The following PARP15 variants were observed in gnomAD, a reference collection of about 807,000 sequenced individuals.
PARP15 encodes poly(ADP-ribose) polymerase family member 15, also known as protein mono-ADP-ribosyltransferase PARP15.
Under a neutral mutation model 62.1 loss-of-function variants are expected in PARP15, and 50 were observed. The ratio of observed to expected loss-of-function variants is 0.81; its 90% CI spans 0.64 to 1.02. PARP15 has a LOEUF of 1.02. Ranked by LOEUF, PARP15 falls within the 50% of genes least tolerant of loss-of-function variation. The pLI is 0.00. For synonymous variants in PARP15, 309 were observed against 293.1 expected (o/e 1.05, Z -0.55); for missense variants, 820 against 826.5 (o/e 0.99, Z 0.10).
At chr3:122,610,879 G>A in intron 3 of PARP15, 149 bp downstream of exon 3, 1 of 595,600 alleles carries the variant, frequency 1.7e-6, no homozygotes, top group South Asian at 2.7e-5. Flanking sequence ...GTGGGTAGAA[G>A]CGAGGGATGC....
At chr3:122,635,687 A>T in intron 11 of PARP15, 124 bp from the exon 12 acceptor site, 1 of 1,085,472 alleles carries the variant, frequency 9.2e-7, no homozygotes, top group Non-Finnish European at 1.3e-6. Flanking sequence ...TGTTGGGATT[A>T]CAGGCATGAG....
chr3:122,625,184 A>C (rs1936628037), intron 8 of PARP15, among the ~76,000 whole-genome samples: 1 of 152,144 alleles, frequency 6.6e-6, no homozygotes, highest in African/African-American at 2.4e-5. Context: ...CATATGTTGA[A>C]GTCCTAACCC....
In PARP15 at chr3:122,632,105, G is replaced by T. The variant is rs745792511; in HGVS notation, c.1458G>T (p.Trp486Cys). 3 of 1,613,864 alleles carry T rather than the reference G, an allele frequency of 1.9e-6. No homozygotes were observed. The African/African-American group carries it at 4.0e-5, about 22-fold the overall frequency. ...TTCCAGGTAATCTTCCTGAACACTG[G>T]ACTGACATGAATCATCAGCTGTTTT... Reference protein sequence around the residue: ...SMTTCNLPEHWTDMNHQLFCM... With the variant: ...SMTTCNLPEHCTDMNHQLFCM... Residue 486 changes from tryptophan (W) to cysteine (C), a missense_variant, in exon 10 of 12, where the codon TGG becomes TGT. Physicochemically the swap from Trp to Cys is radical, Grantham distance 215 (BLOSUM62 -2). This residue lies in a region of PARP15 where 731 missense variants were observed against 727.7 expected (regional missense o/e 1.00). Coordinates refer to ENST00000464300, the MANE Select transcript of PARP15 (RefSeq NM_001113523.3).
At chr3:122,627,136 T>A in intron 9 of PARP15, 103 bp downstream of exon 9, 1 of 1,051,722 alleles carries the variant, frequency 9.5e-7, no homozygotes, top group African/African-American at 1.6e-5. Flanking sequence ...CTATTCGTTT[T>A]AGGACTTTTC....
intron 1 of PARP15, among the ~76,000 whole-genome samples, chr3:122,602,519 A>G (rs1216971777): frequency 6.6e-6 from 1 of 152,182 alleles, no homozygotes; most frequent in Non-Finnish European, 1.5e-5. Context: ...CACAACCTTA[A>G]TAAATCACTT....
intron 2 of PARP15, 28 bp from the exon 3 acceptor site, chr3:122,610,466 A>G (rs1162878435): frequency 2.0e-6 from 3 of 1,517,204 alleles, no homozygotes; most frequent in Non-Finnish European, 2.7e-6. Context: ...TATTGATTCA[A>G]TCTCTAACTG....
At chr3:122,634,156 G>T (rs1053642175) in intron 10 of PARP15, among the ~76,000 whole-genome samples, 2 of 152,260 alleles carry the variant, frequency 1.3e-5, no homozygotes, top group South Asian at 4.2e-4. Flanking sequence ...TTCTTCCTCT[G>T]TTTCCAGAAC....
intron 1 of PARP15, among the ~76,000 whole-genome samples, chr3:122,603,474 A>G (rs573627212): frequency 1.3e-5 from 2 of 152,316 alleles, no homozygotes; most frequent in South Asian, 2.1e-4. Flanking sequence ...ATGGGAGGAC[A>G]TAAAAAACAG....
In PARP15 at chr3:122,606,902, T is replaced by C. The variant is rs1009781340; in HGVS notation, c.306+847T>C. 1.1e-4 allele frequency among the ~76,000 whole-genome samples: 16 copies of C among 152,242 alleles called. 1 individual carries two copies. Among genetic ancestry groups the C allele is most frequent in the African/African-American group, 2.9e-4 (12 of 41,538 alleles). ...ACAGAAAGAGAACTCTGCTGAGAAATTGGGAGACTCTTCTGGATTGTGAGC... is the reference window on the plus strand; with the variant it reads ...ACAGAAAGAGAACTCTGCTGAGAAACTGGGAGACTCTTCTGGATTGTGAGC... On this transcript the variant is annotated intron_variant, in intron 2 of 11. Transcript: ENST00000464300.
Position 122,603,205 on chromosome 3 carries a change from G to A in PARP15, c.187-2731G>A, listed in dbSNP as rs866117273. Among the ~76,000 whole-genome samples the A allele has an allele frequency of 9.2e-5, 14 of 152,200 alleles. No individual in the cohort carries two copies. In the Middle Eastern group the frequency reaches 0.01, roughly 111 times the overall value. ...CCACTCCTGGTGGCCCTGGATCCTC[G>A]CATATGGAAGTTCCTGCCTAAAATG... On this transcript the variant is annotated intron_variant, in intron 1 of 11. Transcript: ENST00000464300.
At chr3:122,589,004 T>G (rs1165120586) in intron 1 of PARP15, among the ~76,000 whole-genome samples, 1 of 152,240 alleles carries the variant, frequency 6.6e-6, no homozygotes, top group Non-Finnish European at 1.5e-5. Context: ...TGTTTCTACT[T>G]TTTGATGATT....
At chr3:122,592,618 TA>T (rs59791124) in intron 1 of PARP15, among the ~76,000 whole-genome samples, 111,220 of 146,818 alleles carry the variant, frequency 0.76, 42,334 homozygotes, top group East Asian at 0.89. Flanking sequence ...AAATTAAAAT[TA>T]AAAAAAAAAA....
At chr3:122,600,882 C>G (rs1211697042) in intron 1 of PARP15, among the ~76,000 whole-genome samples, 1 of 151,546 alleles carries the variant, frequency 6.6e-6, no homozygotes, top group Admixed American at 6.6e-5. Flanking sequence ...TCAAATACCC[C>G]CCTCCCCTAG....
Position 122,622,938 on chromosome 3 carries a change from T to TA in PARP15, c.1231+1328dup, listed in dbSNP as rs1275899798. 3.9e-5 allele frequency among the ~76,000 whole-genome samples: 6 copies of TA among 152,316 alleles called. No homozygotes were observed. In the East Asian group the frequency reaches 1.2e-3, roughly 29 times the overall value. On this transcript the variant is annotated intron_variant, in intron 8 of 11. Transcript: ENST00000464300. ...GGTCTTACAGCCACCACCATCATTT[T>TA]AGCTCAACTCTGTAGACTTCCTTCC...
chr3:122,595,818 C>T lies in PARP15; in HGVS notation c.187-10118C>T, dbSNP rs145904554. Among the ~76,000 whole-genome samples, 437 of 152,286 alleles carry T rather than the reference C, an allele frequency of 2.9e-3. 2 individuals carry two copies. Among genetic ancestry groups the T allele is most frequent in the Non-Finnish European group, 4.5e-3 (304 of 68,030 alleles). On this transcript the variant is annotated intron_variant, in intron 1 of 11. Transcript: ENST00000464300. ...AAAGTGTTGGGATTACAGGCATGAG[C>T]CACCACGCTGGCTTGGCTGCTCATT...
Position 122,579,216 on chromosome 3 carries a change from G to T in PARP15, c.186+1363G>T, listed in dbSNP as rs943476445. Among the ~76,000 whole-genome samples, 7 of 152,132 alleles carry T rather than the reference G, an allele frequency of 4.6e-5. No individual in the cohort carries two copies. In the East Asian group the frequency reaches 1.4e-3, roughly 29 times the overall value. ...GTCTATTTTTGTGTCTTTAAAGAAG[G>T]TTTATAGTTATCTTCACATAAAACA... is the stretch of plus-strand genomic sequence containing the variant. On this transcript the variant is annotated intron_variant, in intron 1 of 11. Coordinates refer to ENST00000464300, the MANE Select transcript of PARP15 (RefSeq NM_001113523.3).
rs746166238 is a variant in PARP15 at position 122,636,087 on chromosome 3, C to G, written c.2024C>G (p.Thr675Ser). The G allele has an allele frequency of 6.2e-7, 1 of 1,609,266 alleles. No homozygotes were observed. The highest frequency in any genetic ancestry group is 8.5e-7 in the Non-Finnish European group (1 of 1,176,532). The change falls in exon 12 of 12, where the codon ACT (threonine) becomes AGT (serine). Residue 675 changes from threonine to serine, a missense_variant. Coordinates refer to ENST00000464300, the MANE Select transcript of PARP15 (RefSeq NM_001113523.3). ...DNQAYPEYLI[T>S]FTA ...CAGGCTTACCCAGAATATCTCATAA[C>G]TTTCACGGCTTAAAAATATTTTTAT...
intron 1 of PARP15, among the ~76,000 whole-genome samples, chr3:122,584,653 C>G (rs1433020312): frequency 6.7e-6 from 1 of 148,454 alleles, no homozygotes; most frequent in Non-Finnish European, 1.5e-5. Flanking sequence ...TTTTGGCTCA[C>G]TACAACCTCC....
intron 4 of PARP15, chr3:122,615,559 C>T: frequency 8.4e-7 from 1 of 1,185,972 alleles, no homozygotes. Flanking sequence ...CTTGCCTGGA[C>T]AGTGTTAGTT....
Sources: gnomAD v4.1 joint callset for allele counts (sites outside exome capture counted in the v4.1 genomes callset) on GRCh38, gnomAD v4.1.1 for gene constraint, gnomAD v4.1.1 regional missense constraint, MANE v1.5 for transcripts, NCBI Gene and HGNC (gene_info 2026-07-23, HGNC 2026-07-21) for gene names.